SH3D19: variants seen among roughly 807,000 people sequenced by gnomAD.
SH3D19 encodes SH3 domain containing 19.
A neutral mutation model predicts 112.1 loss-of-function variants in SH3D19; 58 were observed. That is an observed-to-expected ratio of 0.52 (90% confidence interval 0.42 to 0.64). The LOEUF (loss-of-function observed/expected upper bound fraction) is 0.64. Among genes scored for constraint, SH3D19 ranks in the 30% least tolerant of loss-of-function variants. The pLI is 0.00. For missense variants in SH3D19, 1,090 were observed against 1,263.4 expected (o/e 0.86, Z 2.08); for synonymous variants, 391 against 448.5 (o/e 0.87, Z 1.62).
chr4:151,180,907 G>T (rs929469658), intron 3 of SH3D19, among the ~76,000 whole-genome samples: 1 of 149,444 alleles, frequency 6.7e-6, no homozygotes, highest in African/African-American at 2.5e-5. Context: ...GGGAGTACAG[G>T]TGCCTGCCAC....
At chr4:151,166,885 C>CAGAT (rs1455378158) in intron 7 of SH3D19, among the ~76,000 whole-genome samples, 1 of 152,200 alleles carries the variant, frequency 6.6e-6, no homozygotes, top group Non-Finnish European at 1.5e-5. Context: ...ATCTCACCAT[C>CAGAT]AGATACCCTG....
At chr4:151,128,464 T>G in intron 17 of SH3D19, 108 bp from the exon 18 acceptor site, 2 of 826,548 alleles carry the variant, frequency 2.4e-6, no homozygotes, top group Non-Finnish European at 3.5e-6. Flanking sequence ...GTCTTAAGAT[T>G]TCAAAGCCTG....
intron 1 of SH3D19, among the ~76,000 whole-genome samples, chr4:151,295,964 A>G (rs1775676152): frequency 6.6e-6 from 1 of 150,848 alleles, no homozygotes; most frequent in African/African-American, 2.4e-5. Context: ...TGAACCCAGG[A>G]GGCGGAGGTT....
intron 2 of SH3D19, among the ~76,000 whole-genome samples, chr4:151,202,873 C>T (rs1764595471): frequency 6.6e-6 from 1 of 152,216 alleles, no homozygotes; most frequent in South Asian, 2.1e-4. Flanking sequence ...GGACATTTTG[C>T]TTCCAGACAA....
At position 151,148,131 on chromosome 4, in the gene SH3D19, CAG is replaced by C; in HGVS notation, c.1871_1872del (p.Pro624ArgfsTer15). Reference sequence around the variant, plus strand: ...GAAAGCTTTGGGGGAGGTGGTCTCTCAGGGGGCACCTTGGTTGGAGGCTGTTG... The same window carrying C: ...GAAAGCTTTGGGGGAGGTGGTCTCTCGGGGCACCTTGGTTGGAGGCTGTTG... Reference protein sequence around the residue: ...PTQQPPTKVPPERPPPPKLSA... With the variant: ...PTQQPPTKVPXERPPPPKLSA... On this transcript the variant is annotated frameshift_variant, in exon 11 of 20. Transcript: ENST00000604030. LOFTEE classifies it high-confidence loss of function. The C allele has an allele frequency of 6.2e-7, 1 of 1,613,242 alleles. No individual in the cohort carries two copies. Among genetic ancestry groups the C allele is most frequent in the Non-Finnish European group, 8.5e-7 (1 of 1,179,848 alleles).
chr4:151,152,524 T>A (rs2149785336), intron 9 of SH3D19, among the ~76,000 whole-genome samples: 1 of 149,946 alleles, frequency 6.7e-6, no homozygotes, highest in South Asian at 2.1e-4. Flanking sequence ...CTCTTTTTTT[T>A]TTTTTTTTTT....
At chr4:151,283,980 T>C (rs1774499336) in intron 1 of SH3D19, among the ~76,000 whole-genome samples, 2 of 152,238 alleles carry the variant, frequency 1.3e-5, no homozygotes. Context: ...GTTGTTTTGC[T>C]CTGGCTGCTT....
intron 2 of SH3D19, among the ~76,000 whole-genome samples, chr4:151,193,162 A>G (rs559715702): frequency 6.6e-6 from 1 of 152,286 alleles, no homozygotes; most frequent in East Asian, 1.9e-4. Context: ...GCAAATCCCC[A>G]GGGATAATTT....
intron 1 of SH3D19, among the ~76,000 whole-genome samples, chr4:151,309,833 T>A (rs1044650859): frequency 2.0e-5 from 3 of 150,414 alleles, no homozygotes; most frequent in African/African-American, 7.4e-5. Flanking sequence ...CTACAAAAAA[T>A]TTAAAAATTG....
chr4:151,133,024 C>G lies in SH3D19; in HGVS notation c.2689+10G>C. 6.2e-7 allele frequency: 1 copy of G among 1,610,676 alleles called. No individual in the cohort carries two copies. The highest frequency in any genetic ancestry group is 8.5e-7 in the Non-Finnish European group (1 of 1,177,984). ...GACATAACATAATAAAAAAAATTCT[C>G]TATACTCACTTAAAACATTTGCACC... On this transcript the variant is annotated intron_variant, in intron 16 of 19. Coordinates refer to ENST00000604030, the MANE Select transcript of SH3D19 (RefSeq NM_001378122.1).
rs1159578496 is a variant in SH3D19, at chr4:151,125,551, GGAAA to G, written c.3027+2063_3027+2066del. On this transcript the variant is annotated intron_variant, in intron 19 of 19. Coordinates refer to ENST00000604030, the MANE Select transcript of SH3D19 (RefSeq NM_001378122.1). ...AAGGAAAGGAAAGAAGGGAAAGAAA[GGAAA>G]GAAAGAAAGAGAGAGAGGCCGGGCA... 1.9e-4 allele frequency among the ~76,000 whole-genome samples: 28 copies of G among 149,960 alleles called. 2 individuals are homozygous for G. The highest frequency in any genetic ancestry group is 1.1e-3 in the Admixed American group (16 of 15,034).
chr4:151,291,744 T>C (rs1775354223), intron 1 of SH3D19, among the ~76,000 whole-genome samples: 1 of 152,156 alleles, frequency 6.6e-6, no homozygotes, highest in African/African-American at 2.4e-5. Flanking sequence ...ACAAATTAAA[T>C]AGCTACTACA....
intron 8 of SH3D19, among the ~76,000 whole-genome samples, chr4:151,163,853 G>A (rs1176428082): frequency 6.6e-6 from 1 of 152,092 alleles, no homozygotes; most frequent in South Asian, 2.1e-4. Context: ...AAAGTGCAGG[G>A]ATTACAGGTG....
intron 1 of SH3D19, among the ~76,000 whole-genome samples, chr4:151,238,210 G>T (rs534666399): frequency 1.3e-5 from 2 of 152,048 alleles, no homozygotes; most frequent in African/African-American, 2.4e-5. Flanking sequence ...GTCCCCAAAT[G>T]AATTTTCTGA....
At chr4:151,227,641 T>C (rs983710535) in intron 1 of SH3D19, 2 of 511,332 alleles carry the variant, frequency 3.9e-6, no homozygotes, top group Non-Finnish European at 5.0e-6. Context: ...TTTCTCTCAA[T>C]CATTCTCCAG....
At chr4:151,218,740 T>C (rs548594027) in intron 2 of SH3D19, among the ~76,000 whole-genome samples, 3 of 152,198 alleles carry the variant, frequency 2.0e-5, no homozygotes, top group African/African-American at 7.2e-5. Context: ...CTTCCGCACA[T>C]CTTTTTATAC....
intron 1 of SH3D19, among the ~76,000 whole-genome samples, chr4:151,241,664 G>C (rs1770570451): frequency 6.7e-6 from 1 of 149,754 alleles, no homozygotes; most frequent in Admixed American, 6.6e-5. Context: ...CAAAGTGTTA[G>C]GATTACAGGT....
intron 1 of SH3D19, among the ~76,000 whole-genome samples, chr4:151,321,025 A>G (rs1389994817): frequency 6.6e-6 from 1 of 152,226 alleles, no homozygotes; most frequent in East Asian, 1.9e-4. Context: ...TGGGCAACAG[A>G]GCAAGACTCT....
At chr4:151,242,095 G>A (rs1360719223) in intron 1 of SH3D19, among the ~76,000 whole-genome samples, 1 of 151,940 alleles carries the variant, frequency 6.6e-6, no homozygotes, top group Non-Finnish European at 1.5e-5. Context: ...AGAGGCTGAG[G>A]CAGGAGAATT....
Sources: allele counts gnomAD v4.1 joint callset (sites outside exome capture counted in the v4.1 genomes callset), GRCh38; gene constraint gnomAD v4.1.1; transcripts MANE v1.5; gene names NCBI Gene and HGNC (gene_info 2026-07-23, HGNC 2026-07-21).